LHFPL3: variants seen among roughly 807,000 people sequenced by gnomAD.
LHFPL3 encodes LHFPL tetraspan subfamily member 3 protein.
A neutral mutation model predicts 19.3 loss-of-function variants in LHFPL3; 5 were observed. The observed-to-expected ratio is 0.26, with a 90% CI of 0.14 to 0.54. LHFPL3 has a LOEUF of 0.54. LHFPL3 is among the 20% of genes least tolerant of loss of function. The probability of loss-of-function intolerance (pLI) is 0.94; values close to 1 mark genes in which losing one functional copy is unlikely to be tolerated. For missense variants in LHFPL3, 249 were observed against 307.4 expected, an observed-to-expected ratio of 0.81 and a Z score of 1.42; for synonymous variants, 133 against 126.2, an observed-to-expected ratio of 1.05 and a Z score of -0.36.
rs186489041 is a variant in LHFPL3 at position 104,570,822 on chromosome 7, C to T, written c.446-165853C>T. ...CAGTACCCAACAGTTATCTTTTCTG[C>T]TCTTCTCCCCAATAGGCCGTACTTA... On this transcript the variant is annotated intron_variant, in intron 1 of 2. Transcript: ENST00000424859. Among the ~76,000 whole-genome samples, 418 of 152,272 alleles carry T rather than the reference C, an allele frequency of 2.7e-3. 1 individual carries two copies. Among genetic ancestry groups the T allele is most frequent in the African/African-American group, 9.7e-3 (405 of 41,558 alleles).
chr7:104,436,682 C>A (rs2116570844), intron 1 of LHFPL3, among the ~76,000 whole-genome samples: 1 of 152,310 alleles, frequency 6.6e-6, no homozygotes, highest in South Asian at 2.1e-4. Flanking sequence ...GGAAGGGCAG[C>A]ATTATCGTTA....
intron 2 of LHFPL3, among the ~76,000 whole-genome samples, chr7:104,883,602 G>C (rs1792093617): frequency 6.6e-6 from 1 of 152,160 alleles, no homozygotes; most frequent in Non-Finnish European, 1.5e-5. Flanking sequence ...GCTGTGATCA[G>C]GTTACAAGGC....
chr7:104,666,932 G>A (rs998785621), intron 1 of LHFPL3, among the ~76,000 whole-genome samples: 3 of 152,052 alleles, frequency 2.0e-5, no homozygotes, highest in Admixed American at 1.3e-4. Context: ...ATCTGCTGTT[G>A]TGAACAGTAC....
At chr7:104,741,133 CA>C (rs1793929340) in intron 2 of LHFPL3, among the ~76,000 whole-genome samples, 1 of 152,154 alleles carries the variant, frequency 6.6e-6, no homozygotes. Context: ...TCCACTTCTA[CA>C]GACTGCTTTT....
At chr7:104,354,625 C>T (rs190449411) in intron 1 of LHFPL3, among the ~76,000 whole-genome samples, 21 of 152,216 alleles carry the variant, frequency 1.4e-4, no homozygotes, top group Admixed American at 3.9e-4. Context: ...AAATTATTAA[C>T]GAGTTTGAAA....
chr7:104,764,815 A>G (rs1196454028), intron 2 of LHFPL3, among the ~76,000 whole-genome samples: 1 of 152,220 alleles, frequency 6.6e-6, no homozygotes, highest in Non-Finnish European at 1.5e-5. Context: ...ATGTTTTTAT[A>G]TCTTCTATCT....
chr7:104,400,322 G>C (rs993555848), intron 1 of LHFPL3, among the ~76,000 whole-genome samples: 1 of 151,908 alleles, frequency 6.6e-6, no homozygotes, highest in Admixed American at 6.6e-5. Flanking sequence ...GGAAAGAACA[G>C]TTTGGCATAA....
intron 1 of LHFPL3, among the ~76,000 whole-genome samples, chr7:104,499,188 G>A (rs1793550381): frequency 6.6e-6 from 1 of 152,322 alleles, no homozygotes; most frequent in African/African-American, 2.4e-5. Context: ...ATAAGGATAA[G>A]AGTCAGGAGA....
intron 2 of LHFPL3, chr7:104,803,990 G>T (rs149501310): frequency 6.6e-6 from 1 of 152,306 alleles, no homozygotes; most frequent in East Asian, 1.9e-4. Flanking sequence ...TCAACAAATA[G>T]CATCAAGACT....
chr7:104,389,010 G>A (rs1040588949), intron 1 of LHFPL3, among the ~76,000 whole-genome samples: 1 of 152,122 alleles, frequency 6.6e-6, no homozygotes, highest in Non-Finnish European at 1.5e-5. Context: ...CATACCAGAG[G>A]TTCTAGCCAA....
At chr7:104,683,112 C>A (rs369047783) in intron 1 of LHFPL3, among the ~76,000 whole-genome samples, 1 of 152,190 alleles carries the variant, frequency 6.6e-6, no homozygotes, top group Non-Finnish European at 1.5e-5. Flanking sequence ...GCCTCAGCCT[C>A]CGGAGTAGCT....
rs185544871 is a variant in LHFPL3 at position 104,592,244 on chromosome 7, T to C, written c.446-144431T>C. On this transcript the variant is annotated intron_variant, in intron 1 of 2. Coordinates refer to ENST00000424859, the MANE Select transcript of LHFPL3 (RefSeq NM_199000.3). ...GCTTTTCTGCTCTGGTTTCTCCCCA[T>C]GTTTGTGGTTTTATCTACCTTTGGT... Among the ~76,000 whole-genome samples the C allele has an allele frequency of 2.7e-3, 415 of 152,230 alleles. 4 individuals are homozygous for C. Among genetic ancestry groups the C allele is most frequent in the African/African-American group, 9.1e-3 (377 of 41,560 alleles).
At chr7:104,394,679 G>A (rs548345749) in intron 1 of LHFPL3, among the ~76,000 whole-genome samples, 3 of 151,550 alleles carry the variant, frequency 2.0e-5, no homozygotes, top group Admixed American at 1.3e-4. Context: ...ATTGACATTA[G>A]TTTGTTATAA....
chr7:104,378,678 TTTGA>T lies in LHFPL3; in HGVS notation c.445+49458_445+49461del, dbSNP rs768429358. Among the ~76,000 whole-genome samples, 4 of 152,344 alleles carry T rather than the reference TTTGA, an allele frequency of 2.6e-5. No individual in the cohort carries two copies. The South Asian group carries it at 8.3e-4, about 32-fold the overall frequency. ...TGTTCACATTTGGTATTGTTTTTCC[TTTGA>T]TTGTAGACATTCCATGGGTGTACTG... On this transcript the variant is annotated intron_variant, in intron 1 of 2. Transcript: ENST00000424859.
rs1227128460 is a variant in LHFPL3 at position 104,668,202 on chromosome 7, A to T, written c.446-68473A>T. On this transcript the variant is annotated intron_variant, in intron 1 of 2. Transcript: ENST00000424859. ...ATTTGAGGACCTGGATTCCCTGCTC[A>T]GTGCCCTGAGTCTCAATGAAGAGTC... is the stretch of plus-strand genomic sequence containing the variant. The T allele has an allele frequency of 2.5e-6, 4 of 1,613,564 alleles. No homozygotes were observed. The East Asian group carries it at 8.9e-5, about 36-fold the overall frequency.
intron 1 of LHFPL3, among the ~76,000 whole-genome samples, chr7:104,395,638 T>C (rs974852342): frequency 2.6e-5 from 4 of 152,140 alleles, no homozygotes; most frequent in African/African-American, 9.7e-5. Flanking sequence ...GTGGAAGAAA[T>C]AAATTGCCTG....
chr7:104,816,955 C>A lies in LHFPL3; in HGVS notation c.682+80044C>A, dbSNP rs141397820. ...AGCACACACTTCTGACTGTGACCAC[C>A]TTAACTTCTGAACTGCTAGCTCTTC... On this transcript the variant is annotated intron_variant, in intron 2 of 2. Coordinates refer to ENST00000424859, the MANE Select transcript of LHFPL3 (RefSeq NM_199000.3). Among the ~76,000 whole-genome samples, 713 of 152,310 alleles carry A rather than the reference C, an allele frequency of 4.7e-3. 4 individuals carry two copies. The highest frequency in any genetic ancestry group is 0.016 in the African/African-American group (679 of 41,582).
At chr7:104,518,180 CTGTT>C (rs1467516102) in intron 1 of LHFPL3, among the ~76,000 whole-genome samples, 2 of 152,172 alleles carry the variant, frequency 1.3e-5, no homozygotes, top group African/African-American at 4.8e-5. Context: ...ATAATTTATA[CTGTT>C]TGTTTTGATC....
intron 1 of LHFPL3, among the ~76,000 whole-genome samples, chr7:104,721,565 T>C (rs1793493789): frequency 6.6e-6 from 1 of 152,008 alleles, no homozygotes; most frequent in African/African-American, 2.4e-5. Context: ...GCCAGCCTGA[T>C]GTAGGATGTA....
Sources: gnomAD v4.1 joint callset for allele counts (sites outside exome capture counted in the v4.1 genomes callset) on GRCh38, gnomAD v4.1.1 for gene constraint, MANE v1.5 for transcripts, NCBI Gene and HGNC (gene_info 2026-07-23, HGNC 2026-07-21) for gene names.